UBAC2: variants seen among roughly 807,000 people sequenced by gnomAD.
UBAC2 encodes UBA domain containing 2.
Under a neutral mutation model 44.0 loss-of-function variants are expected in UBAC2, and 26 were observed. The observed-to-expected ratio is 0.59, with a 90% CI of 0.43 to 0.82. UBAC2 has a LOEUF of 0.82. Ranked by LOEUF, UBAC2 falls within the 40% of genes least tolerant of loss-of-function variation. The probability of loss-of-function intolerance (pLI) is 0.00; values close to 1 mark genes in which losing one functional copy is unlikely to be tolerated. For synonymous variants in UBAC2, 155 were observed against 154.3 expected, an observed-to-expected ratio of 1.00 and a Z score of -0.04; for missense variants, 329 against 419.4, an observed-to-expected ratio of 0.78 and a Z score of 1.88.
chr13:99,208,660 T>G (rs1193360329), intron 1 of UBAC2, among the ~76,000 whole-genome samples: 1 of 152,234 alleles, frequency 6.6e-6, no homozygotes, highest in African/African-American at 2.4e-5. Flanking sequence ...GTGACAGGCT[T>G]CTGGTGCGTT....
chr13:99,232,422 T>TATATATATATATA (rs1566458503), intron 1 of UBAC2, among the ~76,000 whole-genome samples: 1 of 56,458 alleles, frequency 1.8e-5, no homozygotes, highest in Non-Finnish European at 5.8e-5. Context: ...ATATATATAT[T>TATATATATATATA]CACACACACA....
chr13:99,213,063 T>G (rs2042951710), intron 1 of UBAC2, among the ~76,000 whole-genome samples: 1 of 152,216 alleles, frequency 6.6e-6, no homozygotes, highest in Non-Finnish European at 1.5e-5. Context: ...TACCTGCTTA[T>G]CTATGCATTC....
At chr13:99,327,798 C>G (rs1370716159) in intron 6 of UBAC2, among the ~76,000 whole-genome samples, 4 of 152,142 alleles carry the variant, frequency 2.6e-5, no homozygotes, top group Non-Finnish European at 2.9e-5. Context: ...TGAGATCTTT[C>G]TAGATCTTCA....
intron 4 of UBAC2, among the ~76,000 whole-genome samples, chr13:99,263,465 T>C (rs1392936924): frequency 6.6e-6 from 1 of 152,204 alleles, no homozygotes; most frequent in Non-Finnish European, 1.5e-5. Context: ...GTATTATCCA[T>C]TCGCCAGAAT....
rs1223694621 is a variant in UBAC2 at position 99,365,628 on chromosome 13, CTG to C, written c.808-2155_808-2154del. ...AATTGCATTATGGTGAGAATATAAT[CTG>C]TGTAATGTTTATGATTTGGTATTTG... On this transcript the variant is annotated intron_variant, in intron 7 of 8. Coordinates refer to ENST00000403766, the MANE Select transcript of UBAC2 (RefSeq NM_001144072.2). Among the ~76,000 whole-genome samples the C allele has an allele frequency of 4.6e-5, 7 of 151,614 alleles. No individual in the cohort carries two copies. In the South Asian group the frequency reaches 1.0e-3, roughly 23 times the overall value.
chr13:99,304,330 C>T (rs1376680348), intron 4 of UBAC2, among the ~76,000 whole-genome samples: 1 of 152,142 alleles, frequency 6.6e-6, no homozygotes, highest in Non-Finnish European at 1.5e-5. Context: ...TTCTAAGTAT[C>T]CCAGGAGCAT....
At chr13:99,280,084 C>T (rs889914864) in intron 4 of UBAC2, among the ~76,000 whole-genome samples, 2 of 152,188 alleles carry the variant, frequency 1.3e-5, no homozygotes, top group Non-Finnish European at 1.5e-5. Flanking sequence ...CCTAACTGTT[C>T]TCCCTGTCAC....
intron 5 of UBAC2, 42 bp downstream of exon 5, chr13:99,314,262 C>CTTTT (rs57005833): frequency 3.5e-4 from 398 of 1,149,420 alleles, no homozygotes; most frequent in South Asian, 9.8e-4. Context: ...TTAACCAGAT[C>CTTTT]TTTTTTTTTT....
intron 4 of UBAC2, chr13:99,294,932 A>T (rs2044145055): frequency 2.9e-6 from 3 of 1,020,918 alleles, no homozygotes; most frequent in Non-Finnish European, 4.2e-6. Flanking sequence ...TGGAGATGGG[A>T]AAGTGCCCAA....
At chr13:99,376,092 T>C (rs980552705) in intron 8 of UBAC2, among the ~76,000 whole-genome samples, 2 of 149,896 alleles carry the variant, frequency 1.3e-5, no homozygotes, top group African/African-American at 4.9e-5. Flanking sequence ...AAATAAAAAA[T>C]AAGGAAAGAG....
At chr13:99,274,027 A>G (rs1004294333) in intron 4 of UBAC2, among the ~76,000 whole-genome samples, 1 of 152,064 alleles carries the variant, frequency 6.6e-6, no homozygotes, top group African/African-American at 2.4e-5. Context: ...ACTTTTTACA[A>G]AGTGACACCT....
chr13:99,376,363 A>T (rs2045479959), intron 8 of UBAC2, among the ~76,000 whole-genome samples: 1 of 152,160 alleles, frequency 6.6e-6, no homozygotes, highest in South Asian at 2.1e-4. Flanking sequence ...AAGGCAACTG[A>T]TGGAGTCACA....
chr13:99,362,660 G>A (rs2045280840), intron 7 of UBAC2, among the ~76,000 whole-genome samples: 1 of 152,146 alleles, frequency 6.6e-6, no homozygotes, highest in Non-Finnish European at 1.5e-5. Context: ...TGTAAATGGA[G>A]TATTCATATA....
At chr13:99,314,769 G>A (rs1049648042) in intron 5 of UBAC2, 1 of 152,288 alleles carries the variant, frequency 6.6e-6, no homozygotes, top group Non-Finnish European at 1.5e-5. Flanking sequence ...GAGTACTACT[G>A]TCCAGGTTAC....
chr13:99,310,938 A>G (rs540764859), intron 4 of UBAC2, among the ~76,000 whole-genome samples: 7 of 152,372 alleles, frequency 4.6e-5, no homozygotes, highest in African/African-American at 1.7e-4. Flanking sequence ...ATAGGGTTCT[A>G]TAATCACCAA....
intron 4 of UBAC2, among the ~76,000 whole-genome samples, chr13:99,305,209 C>A (rs561962293): frequency 6.6e-6 from 1 of 152,130 alleles, no homozygotes; most frequent in African/African-American, 2.4e-5. Flanking sequence ...AGAGATTTAA[C>A]AAAATATTTT....
intron 7 of UBAC2, among the ~76,000 whole-genome samples, chr13:99,346,340 A>G (rs1396062476): frequency 1.3e-5 from 2 of 152,106 alleles, no homozygotes; most frequent in Non-Finnish European, 2.9e-5. Context: ...CACAGCCTCC[A>G]CCAGTGATCT....
At chr13:99,321,871 A>T (rs780090117) in intron 6 of UBAC2, among the ~76,000 whole-genome samples, 1 of 152,238 alleles carries the variant, frequency 6.6e-6, no homozygotes, top group Non-Finnish European at 1.5e-5. Flanking sequence ...GTCAGACCTC[A>T]GTCCTATTTT....
chr13:99,332,157 T>C (rs1380197244), intron 6 of UBAC2, among the ~76,000 whole-genome samples: 3 of 152,174 alleles, frequency 2.0e-5, no homozygotes, highest in Non-Finnish European at 4.4e-5. Flanking sequence ...GCCTTGTGGG[T>C]TTTTGTTCAG....
Sources: allele counts gnomAD v4.1 joint callset (sites outside exome capture counted in the v4.1 genomes callset), GRCh38; gene constraint gnomAD v4.1.1; transcripts MANE v1.5; gene names NCBI Gene and HGNC (gene_info 2026-07-23, HGNC 2026-07-21).